The following USP14 variants were observed in gnomAD, a reference collection of about 807,000 sequenced individuals.
The protein encoded by USP14 is ubiquitin specific peptidase 14, also known as ubiquitin carboxyl-terminal hydrolase 14.
Under a neutral mutation model 76.5 loss-of-function variants are expected in USP14, and 38 were observed. The ratio of observed to expected loss-of-function variants is 0.50; its 90% CI spans 0.38 to 0.65. The LOEUF is 0.65. USP14 is among the 30% of genes least tolerant of loss of function. The pLI is 0.00. For missense variants in USP14, 467 were observed against 586.5 expected (o/e 0.80, Z 2.10); for synonymous variants, 192 against 191.7 (o/e 1.00, Z -0.01).
At chr18:161,460 T>C (rs1192508273) in intron 1 of USP14, among the ~76,000 whole-genome samples, 3 of 152,252 alleles carry the variant, frequency 2.0e-5, no homozygotes. Context: ...TTGATAGTGA[T>C]AACTCAGAAG....
intron 13 of USP14, among the ~76,000 whole-genome samples, chr18:209,399 T>TGA (rs1910612552): frequency 6.6e-6 from 1 of 152,204 alleles, no homozygotes; most frequent in Non-Finnish European, 1.5e-5. Context: ...AAGTTATTTT[T>TGA]CTCATGTTGC....
Position 212,030 on chromosome 18 carries a change from A to T in USP14, c.*746A>T, listed in dbSNP as rs532062991. On this transcript the variant is annotated 3_prime_UTR_variant, in exon 16 of 16. Transcript: ENST00000261601. ...GAAAATGAGGACATTTAATAATAAT[A>T]AAAAAAAAGGGATTAATAGCTTTTG... 6 of 151,198 alleles carry T rather than the reference A, an allele frequency of 4.0e-5. No homozygotes were observed. Among genetic ancestry groups the T allele is most frequent in the South Asian group, 2.1e-4 (1 of 4,742 alleles). 9.4% of individuals were successfully genotyped at this position (151,198 alleles called of 1,614,324 possible).
intron 9 of USP14, 31 bp from the exon 10 acceptor site, chr18:199,171 G>A (rs377226294): frequency 1.9e-5 from 27 of 1,397,862 alleles, no homozygotes; most frequent in South Asian, 8.2e-5. Flanking sequence ...TTGAATACCC[G>A]TTGGCATATT....
chr18:173,920 A>G (rs567760330), intron 3 of USP14, among the ~76,000 whole-genome samples: 52 of 152,236 alleles, frequency 3.4e-4, no homozygotes, highest in East Asian at 5.8e-4. Flanking sequence ...ATTGATTTTT[A>G]TATGTACCTT....
intron 10 of USP14, among the ~76,000 whole-genome samples, chr18:202,485 G>A (rs1041880025): frequency 2.6e-5 from 4 of 152,142 alleles, no homozygotes; most frequent in Admixed American, 6.5e-5. Context: ...TGCATAAAAC[G>A]TAAAGAACAG....
chr18:186,234 A>G (rs868069093), intron 5 of USP14, among the ~76,000 whole-genome samples: 12 of 152,158 alleles, frequency 7.9e-5, no homozygotes, highest in East Asian at 3.9e-4. Flanking sequence ...GGCTGAATCT[A>G]TAGCTTGAGG....
intron 2 of USP14, among the ~76,000 whole-genome samples, chr18:164,609 A>T (rs935969507): frequency 3.3e-5 from 5 of 152,054 alleles, no homozygotes; most frequent in Non-Finnish European, 7.4e-5. Context: ...GTCTACCACC[A>T]TGCCCGGCTA....
At chr18:166,699 T>A (rs1909280857) in intron 2 of USP14, 88 bp from the exon 3 acceptor site, 1 of 1,422,442 alleles carries the variant, frequency 7.0e-7, no homozygotes, top group Non-Finnish European at 9.6e-7. Context: ...TTTATTCTGT[T>A]TTGAAGTACA....
chr18:193,088 C>T (rs1229603997), intron 6 of USP14, among the ~76,000 whole-genome samples, 188 bp downstream of exon 6: 3 of 151,974 alleles, frequency 2.0e-5, no homozygotes, highest in Non-Finnish European at 4.4e-5. Flanking sequence ...TGATGTCTGT[C>T]GTTTGTGAAA....
rs374136811 is a variant in USP14 at position 158,749 on chromosome 18, G to A, written c.16+35G>A. 430 of 1,473,866 alleles carry A rather than the reference G, an allele frequency of 2.9e-4. 2 individuals carry two copies. The East Asian group carries it at 9.8e-3, about 34-fold the overall frequency. The allele number at this position is 1,473,866 out of a possible 1,614,324, so 91.3% of individuals were successfully genotyped here. A position where few individuals can be genotyped will look rare whatever the true frequency, so the allele number is the denominator to read the frequency against. ...GTCCTGGCCTCGCGCGCAGCACACC[G>A]GACCGGCGCTAGGCCTCCGCGTAGG... On this transcript the variant is annotated intron_variant, in intron 1 of 15. Coordinates refer to ENST00000261601, the MANE Select transcript of USP14 (RefSeq NM_005151.4).
intron 5 of USP14, among the ~76,000 whole-genome samples, chr18:181,448 G>A (rs1011003646): frequency 1.3e-5 from 2 of 152,078 alleles, no homozygotes; most frequent in African/African-American, 4.8e-5. Context: ...ATCTTTTCAT[G>A]TGCTTATTGG....
chr18:183,441 T>C (rs1909840096), intron 5 of USP14, among the ~76,000 whole-genome samples: 3 of 152,036 alleles, frequency 2.0e-5, no homozygotes, highest in Admixed American at 6.6e-5. Flanking sequence ...TCTAGGACAT[T>C]TCTTGGTCAT....
chr18:202,291 AT>A (rs944884022), intron 10 of USP14, among the ~76,000 whole-genome samples: 1 of 152,242 alleles, frequency 6.6e-6, no homozygotes, highest in African/African-American at 2.4e-5. Context: ...TTTCCAAATG[AT>A]GCCCAGAGGG....
At chr18:173,940 AC>A (rs1909549581) in intron 3 of USP14, among the ~76,000 whole-genome samples, 2 of 152,128 alleles carry the variant, frequency 1.3e-5, no homozygotes, top group African/African-American at 4.8e-5. Context: ...TTGTACCAGT[AC>A]CCATTCCCTG....
intron 14 of USP14, 159 bp downstream of exon 14, chr18:210,190 T>C (rs1487452527): frequency 1.4e-6 from 1 of 720,100 alleles, no homozygotes; most frequent in African/African-American, 1.8e-5. Context: ...AATTTACTCA[T>C]TGGCATACAG....
intron 13 of USP14, among the ~76,000 whole-genome samples, chr18:208,834 C>G (rs1387812266): frequency 6.6e-6 from 1 of 152,136 alleles, no homozygotes; most frequent in Non-Finnish European, 1.5e-5. Context: ...CAACCTCTGC[C>G]TCCTGGGTTC....
chr18:188,799 T>C (rs919255485), intron 5 of USP14, among the ~76,000 whole-genome samples: 1 of 151,966 alleles, frequency 6.6e-6, no homozygotes, highest in Non-Finnish European at 1.5e-5. Context: ...TGCCTCAGCC[T>C]CCCAAGTAGC....
intron 13 of USP14, among the ~76,000 whole-genome samples, chr18:209,543 G>C (rs1910615130): frequency 6.6e-6 from 1 of 152,196 alleles, no homozygotes; most frequent in African/African-American, 2.4e-5. Flanking sequence ...AGTGGACATG[G>C]CTCAGGAGGT....
At chr18:199,388 A>C in intron 10 of USP14, 72 bp downstream of exon 10, 4 of 1,083,856 alleles carry the variant, frequency 3.7e-6, no homozygotes, top group Middle Eastern at 2.0e-4. Flanking sequence ...GTCATTATTC[A>C]CTGGGCTTTA....
Sources: gnomAD v4.1 joint callset for allele counts (sites outside exome capture counted in the v4.1 genomes callset) on GRCh38, gnomAD v4.1.1 for gene constraint, MANE v1.5 for transcripts, NCBI Gene and HGNC (gene_info 2026-07-23, HGNC 2026-07-21) for gene names.